The following GLP2R variants were observed in gnomAD, a reference collection of about 807,000 sequenced individuals.
GLP2R encodes the protein glucagon-like peptide 2 receptor.
In GLP2R, 59 loss-of-function variants were observed where a neutral mutation model predicts 68.2. That is an observed-to-expected ratio of 0.87 (90% CI 0.70 to 1.07). The LOEUF is 1.07. GLP2R is among the 50% of genes least tolerant of loss of function. The pLI is 0.00. For missense variants in GLP2R, 548 were observed against 677.4 expected, an observed-to-expected ratio of 0.81 and a Z score of 2.12; for synonymous variants, 270 against 265.4, an observed-to-expected ratio of 1.02 and a Z score of -0.17.
chr17:9,873,066 G>C (rs898627443), intron 10 of GLP2R, among the ~76,000 whole-genome samples: 21 of 152,142 alleles, frequency 1.4e-4, no homozygotes, highest in African/African-American at 5.1e-4. Context: ...CAGTCTCTCT[G>C]GCTCCCTTCC....
In GLP2R at chr17:9,890,614, A is replaced by G. The variant is rs1172337956; in HGVS notation, c.*909A>G. On this transcript the variant is annotated 3_prime_UTR_variant, in exon 13 of 13. Coordinates refer to ENST00000262441, the MANE Select transcript of GLP2R (RefSeq NM_004246.3). ...TTTACACTACCATTCTCTTGGGGCA[A>G]GGAATGTCCCCACCATTTTTGGTTT... 6.6e-6 allele frequency: 1 copy of G among 152,494 alleles called. No homozygotes were observed. The highest frequency in any genetic ancestry group is 1.5e-5 in the Non-Finnish European group (1 of 68,338). 9.4% of individuals were successfully genotyped at this position (152,494 alleles called of 1,614,324 possible). A position where few individuals can be genotyped will look rare whatever the true frequency, so the allele number is the denominator to read the frequency against.
At chr17:9,867,018 C>G (rs1296416945) in intron 9 of GLP2R, 1 of 152,134 alleles carries the variant, frequency 6.6e-6, no homozygotes, top group East Asian at 1.9e-4. Flanking sequence ...TCTTTGGCCC[C>G]CACATATGTT....
rs568426582 is a variant in GLP2R, at chr17:9,869,408, C to A, written c.1057-1339C>A. 6.6e-5 allele frequency among the ~76,000 whole-genome samples: 10 copies of A among 152,258 alleles called. 1 individual carries two copies. ...AAAGACCCTGCAGAAACGGACCCCC[C>A]TCTCCTGCCCAGTCTCACTTCTCAC... is the stretch of plus-strand genomic sequence containing the variant. On this transcript the variant is annotated intron_variant, in intron 9 of 12. Coordinates refer to ENST00000262441, the MANE Select transcript of GLP2R (RefSeq NM_004246.3).
intron 4 of GLP2R, among the ~76,000 whole-genome samples, chr17:9,847,844 C>T (rs2066855433): frequency 6.6e-6 from 1 of 152,158 alleles, no homozygotes; most frequent in Non-Finnish European, 1.5e-5. Context: ...GTCCTTGGCT[C>T]CCTTAAGTGT....
At chr17:9,884,252 G>A (rs1014412003) in intron 11 of GLP2R, among the ~76,000 whole-genome samples, 1 of 149,726 alleles carries the variant, frequency 6.7e-6, no homozygotes, top group African/African-American at 2.6e-5. Flanking sequence ...TACTAGCAAA[G>A]GAATTAAAAT....
In GLP2R at chr17:9,889,592, C is replaced by G. The variant is rs2067273131; in HGVS notation, c.1549C>G (p.Pro517Ala). 6.2e-7 allele frequency: 1 copy of G among 1,614,080 alleles called. No homozygotes were observed. The highest frequency in any genetic ancestry group is 2.2e-5 in the East Asian group (1 of 44,878). The change falls in exon 13 of 13, where the codon CCC (proline) becomes GCC (alanine). Residue 517 changes from proline (P) to alanine (A), a missense_variant. Coordinates refer to ENST00000262441, the MANE Select transcript of GLP2R (RefSeq NM_004246.3). ...AGGTCTTGGGGAGCTGGGCGCCCAGCCCCAACAGGACCATGCACGCTGGCC... is the reference window on the plus strand; with the variant it reads ...AGGTCTTGGGGAGCTGGGCGCCCAGGCCCAACAGGACCATGCACGCTGGCC... ...MRGLGELGAQ[P>A]QQDHARWPRG... is the part of the protein sequence containing the mutation.
chr17:9,842,530 C>T lies in GLP2R; in HGVS notation c.418C>T (p.Gln140Ter), dbSNP rs749928395. 1 of 1,614,136 alleles carries T rather than the reference C, an allele frequency of 6.2e-7. No homozygotes were observed. ...AAGGGCCTACAGACACTGCTTGGCT[C>T]AGGGGACTTGGCAGACGATAGAGAA... ...SGRAYRHCLA[Q>*]GTWQTIENAT... Residue 140 changes from glutamine to a stop codon, truncating the protein, a stop_gained, in exon 4 of 13, where the codon CAG becomes TAG. Coordinates refer to ENST00000262441, the MANE Select transcript of GLP2R (RefSeq NM_004246.3). LOFTEE classifies it high-confidence loss of function.
intron 4 of GLP2R, among the ~76,000 whole-genome samples, chr17:9,849,154 T>C (rs1339194616): frequency 6.6e-6 from 1 of 151,792 alleles, no homozygotes; most frequent in Non-Finnish European, 1.5e-5. Context: ...TTTTCCAACA[T>C]TTTATTTTGA....
chr17:9,853,294 C>A, intron 4 of GLP2R: 1 of 264,916 alleles, frequency 3.8e-6, no homozygotes. Flanking sequence ...TGTCCATCTC[C>A]ATCGAGTCCT....
At chr17:9,837,990 T>C (rs917824641) in intron 3 of GLP2R, among the ~76,000 whole-genome samples, 9 of 152,212 alleles carry the variant, frequency 5.9e-5, no homozygotes, top group African/African-American at 2.2e-4. Flanking sequence ...AGAAGGAAGA[T>C]ACATTTCTGG....
intron 4 of GLP2R, among the ~76,000 whole-genome samples, chr17:9,846,167 CA>C (rs1291747014): frequency 6.6e-6 from 1 of 152,090 alleles, no homozygotes; most frequent in Non-Finnish European, 1.5e-5. Flanking sequence ...TGATGTATTT[CA>C]TATTGGAAGC....
At chr17:9,852,528 A>T (rs916825567) in intron 4 of GLP2R, among the ~76,000 whole-genome samples, 18 of 152,240 alleles carry the variant, frequency 1.2e-4, no homozygotes, top group African/African-American at 3.9e-4. Flanking sequence ...TGCCATCTTA[A>T]GAAACTAGGA....
intron 4 of GLP2R, among the ~76,000 whole-genome samples, chr17:9,851,039 T>G (rs2066887015): frequency 6.6e-6 from 1 of 152,116 alleles, no homozygotes; most frequent in Admixed American, 6.5e-5. Context: ...ATTCCAATTC[T>G]TGTCTCAGGA....
intron 10 of GLP2R, among the ~76,000 whole-genome samples, chr17:9,872,544 T>C (rs1293440950): frequency 6.6e-6 from 1 of 152,200 alleles, no homozygotes; most frequent in African/African-American, 2.4e-5. Flanking sequence ...GCCATTGTAC[T>C]CCGGCCTGGG....
At chr17:9,889,146 C>A (rs561580052) in intron 12 of GLP2R, among the ~76,000 whole-genome samples, 1 of 152,178 alleles carries the variant, frequency 6.6e-6, no homozygotes, top group Non-Finnish European at 1.5e-5. Context: ...TCCTGAACAC[C>A]CTGTCTTAAG....
At position 9,884,376 on chromosome 17, in the gene GLP2R, G is replaced by A. The variant is rs888663694; in HGVS notation, c.1285-3556G>A. Among the ~76,000 whole-genome samples, 3 of 152,210 alleles carry A rather than the reference G, an allele frequency of 2.0e-5. No homozygotes were observed. In the East Asian group the frequency reaches 5.8e-4, roughly 29 times the overall value. ...CTATTTTAAAGATGAAAGAACTGAGGCTCAGAGGACTTTCACATGCTAACA... is the reference window on the plus strand; with the variant it reads ...CTATTTTAAAGATGAAAGAACTGAGACTCAGAGGACTTTCACATGCTAACA... On this transcript the variant is annotated intron_variant, in intron 11 of 12. Coordinates refer to ENST00000262441, the MANE Select transcript of GLP2R (RefSeq NM_004246.3).
Position 9,889,540 on chromosome 17 carries a change from T to C in GLP2R, c.1497T>C (p.Ser499=). The C allele has an allele frequency of 1.9e-6, 3 of 1,614,124 alleles. No homozygotes were observed. Among genetic ancestry groups the C allele is most frequent in the Non-Finnish European group, 2.5e-6 (3 of 1,179,992 alleles). ...KLRKLQPSLN[S]GRLLHLAMRG... Reference sequence around the variant, plus strand: ...GGAAGCTGCAGCCCTCACTTAACAGTGGGCGGCTCCTACATCTAGCCATGC... The same window carrying C: ...GGAAGCTGCAGCCCTCACTTAACAGCGGGCGGCTCCTACATCTAGCCATGC... The change falls in exon 13 of 13, where the codon AGT becomes AGC. Residue 499 remains serine, a synonymous_variant. Coordinates refer to ENST00000262441, the MANE Select transcript of GLP2R (RefSeq NM_004246.3).
At position 9,826,046 on chromosome 17, in the gene GLP2R, T is replaced by A. The variant is rs767070514; in HGVS notation, c.-18T>A. The A allele has an allele frequency of 8.1e-6, 13 of 1,604,648 alleles. No homozygotes were observed. The highest frequency in any genetic ancestry group is 1.0e-5 in the Non-Finnish European group (12 of 1,176,550). On this transcript the variant is annotated 5_prime_UTR_variant, in exon 1 of 13. An upstream open reading frame in the 5' UTR loses its in-frame stop. Transcript: ENST00000262441. ...GGCTAGAGAGATGTACCCCTACTTG[T>A]GAAGGTGCACGAGGAAGATGAAGCT...
At chr17:9,833,491 G>A (rs1426630353) in intron 1 of GLP2R, among the ~76,000 whole-genome samples, 1 of 152,134 alleles carries the variant, frequency 6.6e-6, no homozygotes, top group Non-Finnish European at 1.5e-5. Flanking sequence ...AGTCTTAGAA[G>A]CATGCAACTA....
Sources: allele counts gnomAD v4.1 joint callset (sites outside exome capture counted in the v4.1 genomes callset), GRCh38; gene constraint gnomAD v4.1.1; transcripts MANE v1.5; gene names NCBI Gene and HGNC (gene_info 2026-07-23, HGNC 2026-07-21).